ABCB5: variants seen among roughly 807,000 people sequenced by gnomAD.
The protein encoded by ABCB5 is ATP binding cassette subfamily B member 5, also known as ATP-binding cassette sub-family B member 5.
In ABCB5, 155 loss-of-function variants were observed where a neutral mutation model predicts 144.2. That is an observed-to-expected ratio of 1.08 (90% CI 0.94 to 1.23). ABCB5 has a LOEUF of 1.23. Ranked by LOEUF, ABCB5 falls within the 50% of genes most tolerant of loss-of-function variation. ABCB5 has a pLI of 0.00. For synonymous variants in ABCB5, 610 were observed against 528.6 expected (o/e 1.15, Z -2.11); for missense variants, 1,830 against 1,520.8 (o/e 1.20, Z -3.38).
At chr7:20,671,467 C>T (rs1231057344) in intron 14 of ABCB5, among the ~76,000 whole-genome samples, 1 of 152,198 alleles carries the variant, frequency 6.6e-6, no homozygotes, top group African/African-American at 2.4e-5. Flanking sequence ...CACCCTGACC[C>T]TCTCCAGCCC....
At chr7:20,670,601 G>A (rs114665186) in intron 14 of ABCB5, among the ~76,000 whole-genome samples, 1,693 of 152,310 alleles carry the variant, frequency 0.011, 28 homozygotes, top group South Asian at 0.045. Context: ...AAGTAAATGC[G>A]AGACTGAGAA....
At chr7:20,719,057 T>C (rs11977761) in intron 20 of ABCB5, among the ~76,000 whole-genome samples, 1,552 of 152,328 alleles carry the variant, frequency 0.01, 33 homozygotes, top group African/African-American at 0.036. Context: ...TAAATCAGGA[T>C]ACAAAACTGC....
chr7:20,616,882 C>T (rs78824213), intron 1 of ABCB5, among the ~76,000 whole-genome samples: 8,550 of 152,286 alleles, frequency 0.056, 342 homozygotes, highest in South Asian at 0.13. Context: ...CCTTGTGTCG[C>T]TTTGTCTCAG....
intron 4 of ABCB5, among the ~76,000 whole-genome samples, chr7:20,630,063 C>G (rs990969030): frequency 7.1e-6 from 1 of 141,298 alleles, no homozygotes; most frequent in African/African-American, 2.9e-5. Flanking sequence ...AGGGTCATGT[C>G]TTTCAAGGTG....
intron 14 of ABCB5, chr7:20,666,654 G>T: frequency 2.9e-6 from 4 of 1,390,338 alleles, no homozygotes; most frequent in Non-Finnish European, 1.9e-6. Context: ...TCTTCCTGGT[G>T]ACCTTTGTTT....
chr7:20,747,750 C>G (rs1197746241), intron 26 of ABCB5, among the ~76,000 whole-genome samples: 1 of 152,074 alleles, frequency 6.6e-6, no homozygotes. Context: ...TAAATTTTAA[C>G]TTTAATTTAC....
intron 26 of ABCB5, 129 bp from the exon 27 acceptor site, chr7:20,753,231 C>A: frequency 8.7e-7 from 1 of 1,152,882 alleles, no homozygotes; most frequent in Non-Finnish European, 1.2e-6. Context: ...GAATAGATTT[C>A]AACATTTGTT....
intron 14 of ABCB5, among the ~76,000 whole-genome samples, chr7:20,672,281 G>A (rs1488783218): frequency 6.6e-6 from 1 of 151,248 alleles, no homozygotes; most frequent in East Asian, 1.9e-4. Context: ...TCTTAAGTGT[G>A]TCTTCCAAAG....
chr7:20,679,364 G>C (rs1785713205), intron 14 of ABCB5, among the ~76,000 whole-genome samples: 1 of 151,354 alleles, frequency 6.6e-6, no homozygotes, highest in African/African-American at 2.4e-5. Flanking sequence ...AGCTACTCTG[G>C]AGGCTGAGGC....
chr7:20,737,548 G>A (rs537290140), intron 23 of ABCB5, among the ~76,000 whole-genome samples: 1 of 152,280 alleles, frequency 6.6e-6, no homozygotes, highest in African/African-American at 2.4e-5. Context: ...TGTTAGGACA[G>A]GTAGAGATTT....
chr7:20,665,764 T>TAGATAGAC (rs1562549558), intron 14 of ABCB5, among the ~76,000 whole-genome samples: 1 of 130,462 alleles, frequency 7.7e-6, no homozygotes, highest in African/African-American at 2.8e-5. Context: ...GATAGATAGA[T>TAGATAGAC]AGAGATACAT....
At position 20,741,121 on chromosome 7, in the gene ABCB5, T is replaced by A. The variant is rs6950727; in HGVS notation, c.3025-1756T>A. 1.0e-4 allele frequency among the ~76,000 whole-genome samples: 15 copies of A among 147,364 alleles called. No individual in the cohort carries two copies. The South Asian group carries it at 1.3e-3, about 13-fold the overall frequency. ...CCTTCTCAAAAAAAAAAAAAAAAAA[T>A]TAAAGTCTGGTCAAACAAAATTGGC... On this transcript the variant is annotated intron_variant, in intron 24 of 27. Coordinates refer to ENST00000404938, the MANE Select transcript of ABCB5 (RefSeq NM_001163941.2).
chr7:20,754,944 G>T (rs557428794), intron 27 of ABCB5, among the ~76,000 whole-genome samples: 1 of 151,668 alleles, frequency 6.6e-6, no homozygotes, highest in East Asian at 1.9e-4. Flanking sequence ...TTTATCTGTA[G>T]CTAATCTTTC....
chr7:20,705,708 G>T (rs2128044714), intron 20 of ABCB5, among the ~76,000 whole-genome samples: 1 of 152,044 alleles, frequency 6.6e-6, no homozygotes, highest in South Asian at 2.1e-4. Context: ...TTGAAGCTTT[G>T]TTAGCAGAGC....
rs577952695 is a variant in ABCB5 at position 20,645,834 on chromosome 7, A to T, written c.757A>T (p.Ile253Phe). Residue 253 changes from isoleucine (I) to phenylalanine (F), a missense_variant, in exon 8 of 28, where the codon ATC becomes TTC. Coordinates refer to ENST00000404938, the MANE Select transcript of ABCB5 (RefSeq NM_001163941.2). Reference sequence around the variant, plus strand: ...TGTGGCAGAAGAAGTCTTGTCATCAATCCGAACAGTCATAGCCTTTAGGGC... The same window carrying T: ...TGTGGCAGAAGAAGTCTTGTCATCATTCCGAACAGTCATAGCCTTTAGGGC... The part of the protein sequence containing the change: ...GAVAEEVLSS[I>F]RTVIAFRAQE... 4 of 1,613,864 alleles carry T rather than the reference A, an allele frequency of 2.5e-6. No homozygotes were observed. Among genetic ancestry groups the T allele is most frequent in the South Asian group, 2.2e-5 (2 of 91,080 alleles).
intron 19 of ABCB5, among the ~76,000 whole-genome samples, chr7:20,703,782 C>T (rs1786715093): frequency 1.3e-5 from 2 of 152,150 alleles, no homozygotes; most frequent in Admixed American, 1.3e-4. Flanking sequence ...GATGTGCTGT[C>T]TCCATTTGCT....
chr7:20,659,267 T>C (rs1784918116), intron 14 of ABCB5: 2 of 1,490,040 alleles, frequency 1.3e-6, no homozygotes, highest in African/African-American at 1.4e-5. Context: ...GAGTTGGCAG[T>C]GGCGGTATGA....
At chr7:20,733,116 G>A (rs1002215306) in intron 23 of ABCB5, among the ~76,000 whole-genome samples, 1 of 152,102 alleles carries the variant, frequency 6.6e-6, no homozygotes, top group Non-Finnish European at 1.5e-5. Context: ...TACATAATCG[G>A]TAAGTAGCAG....
chr7:20,739,089 T>A lies in ABCB5; in HGVS notation c.2974T>A (p.Leu992Met), dbSNP rs967796702. ...GGGGGCTGCGCATCTGTTTGCCTTG[T>A]TGGAAAAGAAACCAAATATAGACAG... ...KSGAAHLFALLEKKPNIDSRS... is the reference protein window; with the variant it reads ...KSGAAHLFALMEKKPNIDSRS... The change falls in exon 24 of 28, where the codon TTG (leucine) becomes ATG (methionine). Residue 992 changes from leucine (L) to methionine (M), a missense_variant. Transcript: ENST00000404938. 2.5e-6 allele frequency: 4 copies of A among 1,610,306 alleles called. No homozygotes were observed. Among genetic ancestry groups the A allele is most frequent in the African/African-American group, 2.7e-5 (2 of 74,684 alleles).
Sources: allele counts gnomAD v4.1 joint callset (sites outside exome capture counted in the v4.1 genomes callset), GRCh38; gene constraint gnomAD v4.1.1; transcripts MANE v1.5; gene names NCBI Gene and HGNC (gene_info 2026-07-23, HGNC 2026-07-21).